The following NHSL1 variants were observed in gnomAD, a reference collection of about 807,000 sequenced individuals.
The protein encoded by NHSL1 is NHS like 1.
Under a neutral mutation model 95.0 loss-of-function variants are expected in NHSL1, and 48 were observed. The observed-to-expected ratio is 0.51, with a 90% confidence interval of 0.40 to 0.64. The LOEUF is 0.64. Among genes scored for constraint, NHSL1 ranks in the 30% least tolerant of loss-of-function variants. NHSL1 has a pLI of 0.00. For missense variants in NHSL1, 1,971 were observed against 2,077.7 expected (o/e 0.95, Z 1.00); for synonymous variants, 783 against 833.9 (o/e 0.94, Z 1.05).
At chr6:138,548,407 G>A (rs4490679), upstream of NHSL1, among the ~76,000 whole-genome samples, 873 of 152,282 alleles carry the variant, frequency 5.7e-3, 21 homozygotes, top group Admixed American at 0.048. Context: ...CCAACCTGTG[G>A]CCCACATGCA....
At chr6:138,590,885 T>G (rs1325299283) in intron 1 of NHSL1, among the ~76,000 whole-genome samples, 1 of 152,200 alleles carries the variant, frequency 6.6e-6, no homozygotes, top group Non-Finnish European at 1.5e-5. Context: ...GAAGCAAAGC[T>G]TTAGTCTTTT....
intron 1 of NHSL1, among the ~76,000 whole-genome samples, chr6:138,665,016 C>T (rs374642227): frequency 5.3e-5 from 8 of 152,176 alleles, no homozygotes; most frequent in East Asian, 1.9e-4. Context: ...AACATCTGGG[C>T]GCTATAGCCT....
intron 1 of NHSL1, among the ~76,000 whole-genome samples, chr6:138,661,855 G>A (rs542916797): frequency 6.6e-6 from 1 of 152,016 alleles, no homozygotes; most frequent in East Asian, 1.9e-4. Flanking sequence ...CTGCTTGATT[G>A]AGGCCAAGAA....
intron 1 of NHSL1, among the ~76,000 whole-genome samples, chr6:138,651,839 A>AT: frequency 6.6e-6 from 1 of 152,370 alleles, no homozygotes; most frequent in East Asian, 1.9e-4. Flanking sequence ...GATCAATAGA[A>AT]AATACCATCA....
chr6:138,496,305 T>C lies in NHSL1; in HGVS notation c.125A>G (p.Glu42Gly). The change falls in exon 2 of 8, where the codon GAG becomes GGG. Residue 42 changes from glutamate to glycine, a missense_variant. Glu to Gly is a moderately conservative substitution (Grantham distance 98). This residue lies in a region of NHSL1 where 1,602 missense variants were observed against 1,654.5 expected (regional missense o/e 0.97). Transcript: ENST00000343505. ...TCTTGTGGTGGGAAGGAACACATTC[T>C]CCTGCTGGTGCCACGGGGCAGTGTA... ...VHYTAPWHQQ[E>G]NVFLPTTRPP... is the part of the protein sequence containing the mutation. 6.4e-7 allele frequency: 1 copy of C among 1,550,840 alleles called. No individual in the cohort carries two copies. The highest frequency in any genetic ancestry group is 8.7e-7 in the Non-Finnish European group (1 of 1,146,912).
At chr6:138,502,246 ATTAG>A (rs1304779460), upstream of NHSL1, among the ~76,000 whole-genome samples, 2 of 152,224 alleles carry the variant, frequency 1.3e-5, no homozygotes, top group African/African-American at 4.8e-5. Flanking sequence ...GCACTTATTA[ATTAG>A]AAAGTTTACC....
At chr6:138,538,034 G>C (rs181594335) in intron 1 of NHSL1, among the ~76,000 whole-genome samples, 1 of 152,322 alleles carries the variant, frequency 6.6e-6, no homozygotes, top group East Asian at 1.9e-4. Context: ...GGTCAGAGTT[G>C]ATGAACTTCA....
At position 138,433,630 on chromosome 6, in the gene NHSL1, C is replaced by A. The variant is rs559778254; in HGVS notation, c.715G>T (p.Asp239Tyr). Residue 239 changes from aspartate (D) to tyrosine (Y), a missense_variant, in exon 6 of 8, where the codon GAT becomes TAT. Transcript: ENST00000343505. ...AACCTTCCTAGTGTAGAGTAGTGAT[C>A]AGGGGTGTACACTGAGTGGCCATCA... Reference protein sequence around the residue: ...DADGHSVYTPDHYSTLGRFNS... With the variant: ...DADGHSVYTPYHYSTLGRFNS... The A allele has an allele frequency of 4.5e-6, 7 of 1,551,756 alleles. No homozygotes were observed. The South Asian group carries it at 7.1e-5, about 16-fold the overall frequency.
At chr6:138,441,254 T>C (rs951383931) in intron 5 of NHSL1, among the ~76,000 whole-genome samples, 2 of 152,222 alleles carry the variant, frequency 1.3e-5, no homozygotes, top group African/African-American at 4.8e-5. Context: ...AGCTATGCTA[T>C]GGTGCCTCTG....
rs141968290 is a variant in NHSL1 at position 138,650,716 on chromosome 6, C to T, written c.96+41760G>A. The T allele has an allele frequency of 1.0e-3, 556 of 546,908 alleles. 2 individuals carry two copies. Among genetic ancestry groups the T allele is most frequent in the African/African-American group, 8.6e-3 (449 of 52,500 alleles). 33.9% of individuals were successfully genotyped at this position (546,908 alleles called of 1,614,324 possible). ...AGGGGGTGGGTCAACATGCGGGACA[C>T]GCACTGCATCATTATCCCATAGGAG... On this transcript the variant is annotated intron_variant, in intron 1 of 3. Transcript: ENST00000491526.
At chr6:138,425,389 G>A (rs1332885485) in intron 7 of NHSL1, among the ~76,000 whole-genome samples, 1 of 152,160 alleles carries the variant, frequency 6.6e-6, no homozygotes, top group African/African-American at 2.4e-5. Flanking sequence ...GAGCCACTGT[G>A]CCTGGCAAAT....
chr6:138,432,376 T>C lies in NHSL1; in HGVS notation c.1969A>G (p.Lys657Glu). Reference protein sequence around the residue: ...NQGDRSNYQDKSLSRNISLKK... With the variant: ...NQGDRSNYQDESLSRNISLKK... ...AAAGAGATGTTTCTTGATAGGGATTTATCCTGGTAATTGGACCGGTCCCCT... is the reference window on the plus strand; with the variant it reads ...AAAGAGATGTTTCTTGATAGGGATTCATCCTGGTAATTGGACCGGTCCCCT... Residue 657 changes from lysine to glutamate, a missense_variant, in exon 6 of 8, where the codon AAA becomes GAA. Lys to Glu is a moderately conservative substitution (Grantham distance 56, BLOSUM62 1). Transcript: ENST00000343505. This position sits in a 1 kb window ranked among gnomAD's most constrained non-coding sequence, Gnocchi z 4.4. 1.9e-6 allele frequency: 3 copies of C among 1,552,074 alleles called. No individual in the cohort carries two copies. Among genetic ancestry groups the C allele is most frequent in the Non-Finnish European group, 2.6e-6 (3 of 1,147,088 alleles).
At chr6:138,593,142 A>G (rs945474689) in intron 1 of NHSL1, among the ~76,000 whole-genome samples, 2 of 152,250 alleles carry the variant, frequency 1.3e-5, no homozygotes, top group African/African-American at 4.8e-5. Flanking sequence ...GAATCCTGAA[A>G]CTGTAAAGGA....
At chr6:138,659,223 T>C (rs760897214) in intron 1 of NHSL1, among the ~76,000 whole-genome samples, 2 of 151,932 alleles carry the variant, frequency 1.3e-5, no homozygotes, top group Non-Finnish European at 2.9e-5. Flanking sequence ...CTAATTTTTG[T>C]ATTTTTAGTA....
intron 1 of NHSL1, among the ~76,000 whole-genome samples, chr6:138,596,008 A>G (rs1409835241): frequency 6.6e-6 from 1 of 152,210 alleles, no homozygotes; most frequent in Non-Finnish European, 1.5e-5. Flanking sequence ...AAAAGGCCAT[A>G]AACCCTACTT....
chr6:138,571,620 G>T (rs1231004773), intron 1 of NHSL1: 1 of 1,239,296 alleles, frequency 8.1e-7, no homozygotes, highest in Middle Eastern at 2.0e-4. Context: ...TCCTAATGGG[G>T]GCAAAAATCA....
chr6:138,633,409 A>C (rs1784847767), intron 1 of NHSL1, among the ~76,000 whole-genome samples: 1 of 152,330 alleles, frequency 6.6e-6, no homozygotes, highest in East Asian at 1.9e-4. Context: ...TAAACTCCCA[A>C]AGGATAAAGA....
At chr6:138,511,432 G>A (rs1423375993) in intron 1 of NHSL1, among the ~76,000 whole-genome samples, 1 of 151,870 alleles carries the variant, frequency 6.6e-6, no homozygotes, top group East Asian at 1.9e-4. Flanking sequence ...GTGAGAGAGA[G>A]TGTGTATGTG....
chr6:138,442,250 T>C (rs1776578692), intron 4 of NHSL1, 136 bp from the exon 5 acceptor site: 2 of 892,876 alleles, frequency 2.2e-6, no homozygotes, highest in Non-Finnish European at 3.2e-6. Context: ...TGATGAATGC[T>C]GAAGGGCAAA....
Sources: allele counts gnomAD v4.1 joint callset (sites outside exome capture counted in the v4.1 genomes callset), GRCh38; gene constraint gnomAD v4.1.1; regional missense constraint gnomAD v4.1.1; non-coding constraint Gnocchi (gnomAD v3.1); transcripts MANE v1.5; gene names NCBI Gene and HGNC (gene_info 2026-07-23, HGNC 2026-07-21).